MPPED2: variants seen among roughly 807,000 people sequenced by gnomAD.
MPPED2 encodes metallophosphoesterase domain containing 2.
In MPPED2, 5 loss-of-function variants were observed where a neutral mutation model predicts 33.0. The ratio of observed to expected loss-of-function variants is 0.15; its 90% confidence interval spans 0.08 to 0.32. The LOEUF is 0.32. Ranked by LOEUF, MPPED2 falls within the 10% of genes least tolerant of loss-of-function variation. The probability of loss-of-function intolerance (pLI) is 1.00; values close to 1 mark genes in which losing one functional copy is unlikely to be tolerated. For synonymous variants in MPPED2, 136 were observed against 141.9 expected, an observed-to-expected ratio of 0.96 and a Z score of 0.29; for missense variants, 275 against 372.1, an observed-to-expected ratio of 0.74 and a Z score of 2.15.
chr11:30,542,211 C>T (rs1315087388), intron 2 of MPPED2, among the ~76,000 whole-genome samples: 1 of 152,046 alleles, frequency 6.6e-6, no homozygotes, highest in Non-Finnish European at 1.5e-5. Flanking sequence ...TTGTTAGATG[C>T]TTAATAGTTT....
At chr11:30,517,704 A>G (rs1163292776) in intron 3 of MPPED2, among the ~76,000 whole-genome samples, 2 of 151,772 alleles carry the variant, frequency 1.3e-5, no homozygotes, top group African/African-American at 4.8e-5. Flanking sequence ...AAGCACGGAC[A>G]CCCTCATACT....
intron 4 of MPPED2, among the ~76,000 whole-genome samples, chr11:30,469,214 C>T (rs1485785444): frequency 1.3e-5 from 2 of 152,178 alleles, no homozygotes; most frequent in African/African-American, 4.8e-5. Flanking sequence ...GTGTAGTTTT[C>T]ACTGACTTTA....
chr11:30,504,606 C>T, intron 3 of MPPED2: 1 of 399,372 alleles, frequency 2.5e-6, no homozygotes, highest in Admixed American at 3.3e-5. Context: ...ACAGTTTGCA[C>T]TCACTTGACT....
chr11:30,464,577 C>G (rs935452503), intron 4 of MPPED2, among the ~76,000 whole-genome samples: 5 of 152,170 alleles, frequency 3.3e-5, no homozygotes, highest in African/African-American at 9.7e-5. Context: ...TTCTAATCAT[C>G]TGGATAAACA....
intron 1 of MPPED2, among the ~76,000 whole-genome samples, chr11:30,583,757 C>T (rs1035749596): frequency 1.8e-4 from 28 of 152,294 alleles, no homozygotes; most frequent in African/African-American, 6.0e-4. Flanking sequence ...CAACTCATGA[C>T]CTCTCTACCC....
chr11:30,421,843 G>C (rs1159170137), intron 4 of MPPED2, among the ~76,000 whole-genome samples: 2 of 152,194 alleles, frequency 1.3e-5, no homozygotes, highest in Non-Finnish European at 1.5e-5. Flanking sequence ...CCATGGAATT[G>C]TGCAACCGAG....
chr11:30,520,765 T>A (rs4923647), intron 3 of MPPED2, among the ~76,000 whole-genome samples: 34,311 of 152,046 alleles, frequency 0.23, 4,226 homozygotes, highest in East Asian at 0.41. Context: ...GGGGAGAATT[T>A]TATGATGTTC....
chr11:30,489,012 G>C (rs1254479790), intron 4 of MPPED2, among the ~76,000 whole-genome samples: 1 of 151,358 alleles, frequency 6.6e-6, no homozygotes. Context: ...GCTGAACAAG[G>C]AGCTGTTTCT....
At chr11:30,529,808 C>T (rs1417515065) in intron 3 of MPPED2, among the ~76,000 whole-genome samples, 1 of 152,124 alleles carries the variant, frequency 6.6e-6, no homozygotes, top group Non-Finnish European at 1.5e-5. Flanking sequence ...TGTATGTCTG[C>T]AATCTGGGAT....
chr11:30,396,001 C>T lies in MPPED2; in HGVS notation c.767-7045G>A, dbSNP rs142125694. ...CGGTTCTTAAATTTCCATTCCCTAA[C>T]GGGCTTGAGGAGATCGTATTTATCA... On this transcript the variant is annotated intron_variant, in intron 6 of 6. Transcript: ENST00000448418. 2.8e-3 allele frequency among the ~76,000 whole-genome samples: 423 copies of T among 152,220 alleles called. 3 individuals carry two copies. Among genetic ancestry groups the T allele is most frequent in the African/African-American group, 9.3e-3 (385 of 41,524 alleles).
intron 4 of MPPED2, among the ~76,000 whole-genome samples, chr11:30,491,558 C>T (rs1002885804): frequency 6.6e-6 from 1 of 152,184 alleles, no homozygotes; most frequent in African/African-American, 2.4e-5. Context: ...GCTAAAAAGT[C>T]TTCTATGCAC....
In MPPED2 at chr11:30,553,489, G is replaced by A. The variant is rs374339593; in HGVS notation, c.129-17314C>T. Among the ~76,000 whole-genome samples, 195 of 152,288 alleles carry A rather than the reference G, an allele frequency of 1.3e-3. 3 individuals are homozygous for A. The South Asian group carries it at 0.036, about 28-fold the overall frequency. ...CTAAGTTGCATTTGCATTTCTTATG[G>A]TTCAAACAAACAAACAACAAACACG... On this transcript the variant is annotated intron_variant, in intron 2 of 6. Transcript: ENST00000358117.
At position 30,509,830 on chromosome 11, in the gene MPPED2, A is replaced by G. The variant is rs946662598; in HGVS notation, c.311-14309T>C. On this transcript the variant is annotated intron_variant, in intron 3 of 6. Transcript: ENST00000358117. ...ATGGAATGGGAAACTAAGACCTAGCAAGGCTAAAATGACTCCTCCAAGGTC... is the reference window on the plus strand; with the variant it reads ...ATGGAATGGGAAACTAAGACCTAGCGAGGCTAAAATGACTCCTCCAAGGTC... Among the ~76,000 whole-genome samples, 3 of 152,320 alleles carry G rather than the reference A, an allele frequency of 2.0e-5. No homozygotes were observed. The East Asian group carries it at 5.8e-4, about 29-fold the overall frequency.
intron 3 of MPPED2, among the ~76,000 whole-genome samples, chr11:30,513,976 A>G (rs1953376199): frequency 6.6e-6 from 1 of 152,184 alleles, no homozygotes; most frequent in Non-Finnish European, 1.5e-5. Context: ...TAGGAAGACC[A>G]TAGGCTACTT....
chr11:30,473,766 C>A (rs1310770371), intron 4 of MPPED2, among the ~76,000 whole-genome samples: 1 of 152,202 alleles, frequency 6.6e-6, no homozygotes, highest in Non-Finnish European at 1.5e-5. Flanking sequence ...ATGTTGTGAG[C>A]TGCCCTGTGG....
intron 2 of MPPED2, among the ~76,000 whole-genome samples, chr11:30,557,220 T>C (rs886587919): frequency 6.8e-6 from 1 of 147,990 alleles, no homozygotes; most frequent in Non-Finnish European, 1.5e-5. Flanking sequence ...AAATTATATA[T>C]ATATAATATA....
chr11:30,414,371 A>G (rs1948246465), intron 5 of MPPED2, 30 bp from the exon 6 acceptor site: 1 of 1,399,786 alleles, frequency 7.1e-7, no homozygotes, highest in Non-Finnish European at 1.0e-6. Flanking sequence ...AATACACTTA[A>G]TTTTCTTTCT....
At chr11:30,439,563 G>T (rs1344854947) in intron 4 of MPPED2, among the ~76,000 whole-genome samples, 2 of 152,120 alleles carry the variant, frequency 1.3e-5, no homozygotes, top group African/African-American at 2.4e-5. Flanking sequence ...CAATTTCTTT[G>T]AATTACGGTG....
At chr11:30,395,355 A>G (rs1052880615) in intron 6 of MPPED2, among the ~76,000 whole-genome samples, 2 of 152,180 alleles carry the variant, frequency 1.3e-5, no homozygotes, top group Non-Finnish European at 2.9e-5. Flanking sequence ...TAATTTTAAT[A>G]ACATACCCAA....
Sources: gnomAD v4.1 joint callset for allele counts (sites outside exome capture counted in the v4.1 genomes callset) on GRCh38, gnomAD v4.1.1 for gene constraint, MANE v1.5 for transcripts, NCBI Gene and HGNC (gene_info 2026-07-23, HGNC 2026-07-21) for gene names.